Variants in DNER observed in about 807,000 individuals in gnomAD.
The protein encoded by DNER is delta/notch like EGF repeat containing.
DNER carries 33 observed loss-of-function variants against 78.2 expected under a neutral mutation model. The ratio of observed to expected loss-of-function variants is 0.42; its 90% CI spans 0.32 to 0.56. The LOEUF (loss-of-function observed/expected upper bound fraction) is 0.56. Ranked by LOEUF, DNER falls within the 20% of genes least tolerant of loss-of-function variation. The pLI is 0.11. For synonymous variants in DNER, 417 were observed against 384.8 expected (o/e 1.08, Z -0.98); for missense variants, 918 against 975.3 (o/e 0.94, Z 0.78).
At chr2:229,560,674 A>G (rs1450643269) in intron 4 of DNER, among the ~76,000 whole-genome samples, 1 of 152,198 alleles carries the variant, frequency 6.6e-6, no homozygotes, top group Non-Finnish European at 1.5e-5. Flanking sequence ...GCTGGGAAAC[A>G]AAACTGGAGA....
chr2:229,451,629 G>A (rs35308354), intron 7 of DNER, among the ~76,000 whole-genome samples: 94 of 152,204 alleles, frequency 6.2e-4, no homozygotes, highest in Non-Finnish European at 1.2e-3. Context: ...ACAGTGACAT[G>A]AGAATGTGAA....
chr2:229,429,776 T>C lies in DNER; in HGVS notation c.1487-11546A>G, dbSNP rs188191233. 2.9e-4 allele frequency among the ~76,000 whole-genome samples: 44 copies of C among 152,360 alleles called. No individual in the cohort carries two copies. In the South Asian group the frequency reaches 4.4e-3, roughly 15 times the overall value. ...TTCACCACCCAGGAACTTGAAGATC[T>C]AAATTTTTCCAATACGAAACAGCCT... On this transcript the variant is annotated intron_variant, in intron 8 of 12. Transcript: ENST00000341772.
At chr2:229,428,248 T>C (rs1247174905) in intron 8 of DNER, among the ~76,000 whole-genome samples, 2 of 152,034 alleles carry the variant, frequency 1.3e-5, no homozygotes, top group Non-Finnish European at 2.9e-5. Flanking sequence ...AGAATCAATG[T>C]GGAGAAATCA....
intron 1 of DNER, among the ~76,000 whole-genome samples, chr2:229,593,529 T>C (rs1005864207): frequency 6.6e-6 from 1 of 152,210 alleles, no homozygotes; most frequent in Non-Finnish European, 1.5e-5. Flanking sequence ...AGGTATTTTA[T>C]CTACTGTGTT....
Position 229,535,695 on chromosome 2 carries a change from G to A in DNER, c.993+11252C>T, listed in dbSNP as rs112290807. Among the ~76,000 whole-genome samples the A allele has an allele frequency of 6.6e-5, 10 of 152,190 alleles. 1 individual carries two copies. Among genetic ancestry groups the A allele is most frequent in the African/African-American group, 2.4e-4 (10 of 41,528 alleles). ...GTCTCACTCTGTTGCCAAGGCTGGA[G>A]TACAGTGGCATGATCTCGGCTCACT... is the stretch of plus-strand genomic sequence containing the variant. On this transcript the variant is annotated intron_variant, in intron 5 of 12. Coordinates refer to ENST00000341772, the MANE Select transcript of DNER (RefSeq NM_139072.4).
chr2:229,481,805 C>T (rs926252797), intron 6 of DNER, among the ~76,000 whole-genome samples: 1 of 152,202 alleles, frequency 6.6e-6, no homozygotes, highest in Non-Finnish European at 1.5e-5. Flanking sequence ...AGAAGATATA[C>T]AAGCAAGACT....
chr2:229,625,936 T>C (rs1459808059), intron 1 of DNER, among the ~76,000 whole-genome samples: 1 of 151,946 alleles, frequency 6.6e-6, no homozygotes, highest in African/African-American at 2.4e-5. Flanking sequence ...TGTTTTTTTT[T>C]TGAGATGGAG....
intron 10 of DNER, among the ~76,000 whole-genome samples, chr2:229,396,791 T>G (rs976563407): frequency 6.6e-6 from 1 of 152,198 alleles, no homozygotes; most frequent in African/African-American, 2.4e-5. Context: ...TGTCTGAGCA[T>G]AGGTCACTAG....
At position 229,526,695 on chromosome 2, in the gene DNER, T is replaced by C. The variant is rs188713645; in HGVS notation, c.994-13759A>G. 4.6e-5 allele frequency among the ~76,000 whole-genome samples: 7 copies of C among 152,292 alleles called. No individual in the cohort carries two copies. In the East Asian group the frequency reaches 9.6e-4, roughly 21 times the overall value. On this transcript the variant is annotated intron_variant, in intron 5 of 12. Transcript: ENST00000341772. Reference sequence around the variant, plus strand: ...CGGACAGGAGGCAGAGCTCAGGCAGTAGTGCTCGCTCGCCACTGACTTTCT... The same window carrying C: ...CGGACAGGAGGCAGAGCTCAGGCAGCAGTGCTCGCTCGCCACTGACTTTCT...
chr2:229,451,847 AG>A (rs1267611814), intron 7 of DNER, among the ~76,000 whole-genome samples: 3 of 152,236 alleles, frequency 2.0e-5, no homozygotes, highest in Admixed American at 6.5e-5. Flanking sequence ...GTCAAAATAA[AG>A]GAAAAAGTGA....
chr2:229,466,201 C>A (rs1694801763), intron 7 of DNER, among the ~76,000 whole-genome samples: 1 of 152,082 alleles, frequency 6.6e-6, no homozygotes, highest in Non-Finnish European at 1.5e-5. Flanking sequence ...ATCCACTTAG[C>A]CCACTGCTTA....
chr2:229,410,719 A>C (rs1361700348), intron 9 of DNER, among the ~76,000 whole-genome samples: 1 of 152,198 alleles, frequency 6.6e-6, no homozygotes, highest in South Asian at 2.1e-4. Context: ...AGCATTCTTT[A>C]CAGAAGTTAA....
chr2:229,420,988 T>A (rs547390808), intron 8 of DNER, among the ~76,000 whole-genome samples: 18 of 152,256 alleles, frequency 1.2e-4, no homozygotes, highest in African/African-American at 4.3e-4. Flanking sequence ...GCAGCATTAT[T>A]CACAATAACC....
At chr2:229,652,851 G>A (rs935514016) in intron 1 of DNER, among the ~76,000 whole-genome samples, 3 of 152,150 alleles carry the variant, frequency 2.0e-5, no homozygotes, top group African/African-American at 7.2e-5. Flanking sequence ...GTTTATTTCA[G>A]CAGATGGAAA....
At chr2:229,452,994 G>A (rs1694493435) in intron 7 of DNER, among the ~76,000 whole-genome samples, 1 of 152,202 alleles carries the variant, frequency 6.6e-6, no homozygotes, top group Admixed American at 6.5e-5. Flanking sequence ...TATGGGCCCT[G>A]TATATGTGTC....
At chr2:229,439,180 C>T (rs1159080286) in intron 8 of DNER, among the ~76,000 whole-genome samples, 3 of 152,228 alleles carry the variant, frequency 2.0e-5, no homozygotes, top group Non-Finnish European at 4.4e-5. Flanking sequence ...TCGCTTAACC[C>T]TGCAAGAAGT....
chr2:229,447,257 TTTTGAGATTGG>T lies in DNER; in HGVS notation c.1486+48_1486+58del, dbSNP rs1327625744. ...AGATGCAAAAGAAAAAGTAATGGTC[TTTTGAGATTGG>T]TTTGAGATTGAGAAAAGGAAGATGT... On this transcript the variant is annotated intron_variant, in intron 8 of 12. Transcript: ENST00000341772. 54 of 1,483,832 alleles carry T rather than the reference TTTTGAGATTGG, an allele frequency of 3.6e-5. 1 individual carries two copies. The South Asian group carries it at 5.9e-4, about 16-fold the overall frequency. 91.9% of individuals were successfully genotyped at this position (1,483,832 alleles called of 1,614,324 possible). A position where few individuals can be genotyped will look rare whatever the true frequency, so the allele number is the denominator to read the frequency against.
At chr2:229,561,342 C>A (rs957645527) in intron 4 of DNER, among the ~76,000 whole-genome samples, 3 of 152,090 alleles carry the variant, frequency 2.0e-5, no homozygotes, top group Non-Finnish European at 4.4e-5. Context: ...TGTAAAGATA[C>A]TGTGATGATA....
chr2:229,621,784 A>G (rs1333270826), intron 1 of DNER, among the ~76,000 whole-genome samples: 2 of 152,134 alleles, frequency 1.3e-5, no homozygotes, highest in African/African-American at 4.8e-5. Context: ...CTCAGAATCT[A>G]TTGAAATTGC....
Sources: gnomAD v4.1 joint callset for allele counts (sites outside exome capture counted in the v4.1 genomes callset) on GRCh38, gnomAD v4.1.1 for gene constraint, MANE v1.5 for transcripts, NCBI Gene and HGNC (gene_info 2026-07-23, HGNC 2026-07-21) for gene names.